Variants in INPP5K observed in about 807,000 individuals in gnomAD.
INPP5K encodes the protein inositol polyphosphate 5-phosphatase K.
In INPP5K, 35 loss-of-function variants were observed where a neutral mutation model predicts 53.5. The ratio of observed to expected loss-of-function variants is 0.65; its 90% confidence interval spans 0.50 to 0.87. The LOEUF (loss-of-function observed/expected upper bound fraction) is 0.87. Among genes scored for constraint, INPP5K ranks in the 40% least tolerant of loss-of-function variants. INPP5K has a pLI of 0.00. For missense variants in INPP5K, 550 were observed against 586.2 expected (o/e 0.94, Z 0.64); for synonymous variants, 253 against 232.8 (o/e 1.09, Z -0.79).
intron 7 of INPP5K, among the ~76,000 whole-genome samples, chr17:1,500,168 A>G (rs1259652715): frequency 6.6e-6 from 1 of 152,248 alleles, no homozygotes; most frequent in African/African-American, 2.4e-5. Context: ...AAAGTCCCCA[A>G]GTAGGGCTTT....
chr17:1,510,851 C>G (rs923025117), intron 3 of INPP5K, among the ~76,000 whole-genome samples: 1 of 151,788 alleles, frequency 6.6e-6, no homozygotes. Context: ...GTCTTGAACT[C>G]CTGGGTTCAA....
intron 6 of INPP5K, 125 bp from the exon 7 acceptor site, chr17:1,507,214 A>G: frequency 1.5e-6 from 1 of 655,174 alleles, no homozygotes; most frequent in Non-Finnish European, 2.7e-6. Flanking sequence ...TGCCACTCCA[A>G]TTCCTCACTG....
chr17:1,513,216 C>A (rs2075348959), intron 3 of INPP5K, among the ~76,000 whole-genome samples: 1 of 152,108 alleles, frequency 6.6e-6, no homozygotes, highest in Non-Finnish European at 1.5e-5. Context: ...CAGAATCTTC[C>A]CAAGCTGAAA....
intron 7 of INPP5K, among the ~76,000 whole-genome samples, chr17:1,498,375 A>G (rs1357437660): frequency 1.3e-5 from 2 of 152,150 alleles, no homozygotes; most frequent in Admixed American, 1.3e-4. Flanking sequence ...TTATGGATCA[A>G]ATTGTGACTC....
At chr17:1,509,462 T>C in intron 4 of INPP5K, 109 bp from the exon 5 acceptor site, 1 of 1,106,410 alleles carries the variant, frequency 9.0e-7, no homozygotes, top group Non-Finnish European at 1.3e-6. Flanking sequence ...CAGGGTCTCC[T>C]AGGGACAGTA....
At chr17:1,516,368 GT>G (rs1289020635) in intron 1 of INPP5K, 87 bp downstream of exon 1, 3 of 1,370,022 alleles carry the variant, frequency 2.2e-6, no homozygotes, top group Non-Finnish European at 3.0e-6. Flanking sequence ...AGTCATGGAG[GT>G]CTGGTGCCTT....
chr17:1,509,517 G>T (rs1039508315), intron 4 of INPP5K, among the ~76,000 whole-genome samples, 164 bp from the exon 5 acceptor site: 1 of 152,092 alleles, frequency 6.6e-6, no homozygotes, highest in African/African-American at 2.4e-5. Context: ...AGCCCAGCTC[G>T]CCTCGCCTGG....
At chr17:1,508,516 G>T in intron 5 of INPP5K, 1 of 406,664 alleles carries the variant, frequency 2.5e-6, no homozygotes, top group Non-Finnish European at 4.6e-6. Context: ...AAGCCCTCCT[G>T]GTGACCTCAG....
In INPP5K at chr17:1,509,368, C is replaced by T. The variant is rs772736835; in HGVS notation, c.379-15G>A. ...CCTTTGTTCCCCTGGTAGAACAGGT[C>T]AACAGAAGAGTGGGAAGCTACTCGG... On this transcript the variant is annotated splice_polypyrimidine_tract_variant and intron_variant, in intron 4 of 11. Transcript: ENST00000421807. 1.9e-6 allele frequency: 3 copies of T among 1,608,026 alleles called. No individual in the cohort carries two copies. The highest frequency in any genetic ancestry group is 2.6e-6 in the Non-Finnish European group (3 of 1,176,002).
intron 7 of INPP5K, among the ~76,000 whole-genome samples, chr17:1,498,408 T>C (rs75347047): frequency 0.017 from 2,520 of 152,254 alleles, 88 homozygotes; most frequent in African/African-American, 0.057. Context: ...TTTCAAAGCT[T>C]TGCTTCTTTC....
Position 1,513,536 on chromosome 17 carries a change from T to A in INPP5K, c.178A>T (p.Ile60Leu), listed in dbSNP as rs765126431. 2 of 1,614,282 alleles carry A rather than the reference T, an allele frequency of 1.2e-6. No homozygotes were observed. The highest frequency in any genetic ancestry group is 2.2e-5 in the South Asian group (2 of 91,092). ...AAGGCAGCATCGGAAAGGAGGCTTA[T>A]GATCCCAGAGTTCAATTCCTGCAAA... ...IGLQELNSGI[I>L]SLLSDAAFND... Residue 60 changes from isoleucine (I) to leucine (L), a missense_variant, in exon 3 of 12, where the codon ATA becomes TTA. By Grantham distance (5) the Ile-to-Leu change is conservative. Transcript: ENST00000421807.
chr17:1,512,151 TC>T (rs1431586722), intron 3 of INPP5K, among the ~76,000 whole-genome samples: 1 of 152,162 alleles, frequency 6.6e-6, no homozygotes, highest in Middle Eastern at 3.2e-3. Context: ...CAGTCTGGCC[TC>T]CCAATCTCAG....
chr17:1,509,625 A>T, intron 4 of INPP5K, 58 bp downstream of exon 4: 1 of 1,155,518 alleles, frequency 8.7e-7, no homozygotes, highest in African/African-American at 1.5e-5. Flanking sequence ...TCTTTTGCCC[A>T]GCTCCACAGT....
rs141784654 is a variant in INPP5K at position 1,500,445 on chromosome 17, A to C, written c.777-2323T>G. On this transcript the variant is annotated intron_variant, in intron 7 of 11. Coordinates refer to ENST00000421807, the MANE Select transcript of INPP5K (RefSeq NM_016532.4). ...ACTGGCGCAATCTCGGCTCACTGCA[A>C]GCTCCGCCTCCCAGGTTCATGCAAT... Among the ~76,000 whole-genome samples, 1,216 of 152,194 alleles carry C rather than the reference A, an allele frequency of 8.0e-3. 52 individuals are homozygous for C. The highest frequency in any genetic ancestry group is 0.068 in the Admixed American group (1,045 of 15,288).
chr17:1,513,638 C>T (rs1419005536), intron 2 of INPP5K, 77 bp from the exon 3 acceptor site: 1 of 1,306,780 alleles, frequency 7.7e-7, no homozygotes, highest in Non-Finnish European at 1.1e-6. Context: ...ATACCATCTT[C>T]ACGGACTTTC....
intron 7 of INPP5K, among the ~76,000 whole-genome samples, chr17:1,500,370 T>A (rs566624458): frequency 2.6e-5 from 4 of 151,776 alleles, no homozygotes; most frequent in African/African-American, 9.7e-5. Flanking sequence ...TTCCAAAGTT[T>A]TTTTTTTTTT....
intron 8 of INPP5K, among the ~76,000 whole-genome samples, chr17:1,497,409 G>A (rs1402105419): frequency 6.6e-6 from 1 of 152,194 alleles, no homozygotes; most frequent in Admixed American, 6.5e-5. Context: ...AGGAGGTGGA[G>A]GCTTCAGTGA....
intron 7 of INPP5K, among the ~76,000 whole-genome samples, chr17:1,501,995 G>GCCA: frequency 6.7e-6 from 1 of 149,074 alleles, no homozygotes; most frequent in East Asian, 2.0e-4. Context: ...AGATTGCATT[G>GCCA]TTGCATTCCA....
chr17:1,507,833 C>A, intron 6 of INPP5K: 1 of 274,346 alleles, frequency 3.6e-6, no homozygotes. Context: ...GCATAAGCCA[C>A]CGTGCCCGGC....
Sources: allele counts gnomAD v4.1 joint callset (sites outside exome capture counted in the v4.1 genomes callset), GRCh38; gene constraint gnomAD v4.1.1; transcripts MANE v1.5; gene names NCBI Gene and HGNC (gene_info 2026-07-23, HGNC 2026-07-21).